DYM: variants seen among roughly 807,000 people sequenced by gnomAD.
DYM encodes dymeclin.
A neutral mutation model predicts 93.1 loss-of-function variants in DYM; 78 were observed. That is an observed-to-expected ratio of 0.84 (90% CI 0.70 to 1.01). The LOEUF (loss-of-function observed/expected upper bound fraction) is 1.01, where lower values mean the gene tolerates loss of function less well. Ranked by LOEUF, DYM falls within the 50% of genes least tolerant of loss-of-function variation. The pLI is 0.00. For missense variants in DYM, 789 were observed against 845.0 expected, an observed-to-expected ratio of 0.93 and a Z score of 0.82; for synonymous variants, 321 against 319.7, an observed-to-expected ratio of 1.00 and a Z score of -0.04.
intron 8 of DYM, among the ~76,000 whole-genome samples, chr18:49,294,790 A>G (rs764227582): frequency 2.0e-5 from 3 of 151,180 alleles, no homozygotes; most frequent in African/African-American, 4.9e-5. Flanking sequence ...GAACTATACC[A>G]AAAAAAAAGA....
At chr18:49,125,668 G>A (rs531155245) in intron 15 of DYM, among the ~76,000 whole-genome samples, 6 of 152,208 alleles carry the variant, frequency 3.9e-5, no homozygotes, top group South Asian at 2.1e-4. Flanking sequence ...TCAAAGAATC[G>A]TAAAATTATA....
intron 11 of DYM, among the ~76,000 whole-genome samples, chr18:49,258,945 G>T (rs2094446360): frequency 1.4e-5 from 2 of 146,996 alleles, no homozygotes; most frequent in African/African-American, 5.0e-5. Flanking sequence ...CCAAATCTGG[G>T]CTGCCCCAAA....
chr18:49,337,941 T>A (rs1206086441), intron 6 of DYM, among the ~76,000 whole-genome samples: 2 of 151,864 alleles, frequency 1.3e-5, no homozygotes, highest in African/African-American at 4.8e-5. Flanking sequence ...AGAAATTCAA[T>A]ATCGATCAAA....
rs148732082 is a variant in DYM, at chr18:49,430,203, C to G, written c.140+52G>C. ...ATTTTTTTTTAATCAGCATACCACA[C>G]AAGTTGATATGGCCCTCTATTCAAA... On this transcript the variant is annotated intron_variant, in intron 2 of 17. Transcript: ENST00000675505. 2.7e-4 allele frequency: 415 copies of G among 1,565,028 alleles called. 4 individuals carry two copies. In the East Asian group the frequency reaches 8.0e-3, roughly 30 times the overall value.
At chr18:49,186,757 T>C (rs150648717) in intron 14 of DYM, among the ~76,000 whole-genome samples, 2 of 152,242 alleles carry the variant, frequency 1.3e-5, no homozygotes, top group African/African-American at 4.8e-5. Context: ...CTTTCAGGTA[T>C]ATCTGTATCT....
At chr18:49,389,300 ATGTG>A (rs368243116) in intron 3 of DYM, among the ~76,000 whole-genome samples, 13 of 151,916 alleles carry the variant, frequency 8.6e-5, no homozygotes, top group African/African-American at 3.1e-4. Context: ...ACAGATTAAA[ATGTG>A]TGTGTGTGTC....
intron 15 of DYM, among the ~76,000 whole-genome samples, chr18:49,161,591 C>G (rs1672465003): frequency 6.6e-6 from 1 of 152,174 alleles, no homozygotes; most frequent in Non-Finnish European, 1.5e-5. Flanking sequence ...ATATATTTTT[C>G]TTATCACAGG....
chr18:49,064,835 T>C (rs1487234613), intron 17 of DYM, among the ~76,000 whole-genome samples: 1 of 151,462 alleles, frequency 6.6e-6, no homozygotes, highest in Non-Finnish European at 1.5e-5. Flanking sequence ...TCTCTTTACT[T>C]TCAAATACTG....
At chr18:49,375,254 A>G (rs2147614872) in intron 5 of DYM, among the ~76,000 whole-genome samples, 1 of 150,622 alleles carries the variant, frequency 6.6e-6, no homozygotes, top group African/African-American at 2.5e-5. Context: ...TGGGCTTTAG[A>G]AGAAAAAAAT....
At chr18:49,135,375 G>C (rs1211832039) in intron 15 of DYM, among the ~76,000 whole-genome samples, 3 of 152,274 alleles carry the variant, frequency 2.0e-5, no homozygotes, top group Non-Finnish European at 2.9e-5. Flanking sequence ...TAACAGGCCA[G>C]GCTCCTTATG....
chr18:49,224,780 C>T (rs2093472477), intron 13 of DYM, among the ~76,000 whole-genome samples: 1 of 152,026 alleles, frequency 6.6e-6, no homozygotes, highest in Non-Finnish European at 1.5e-5. Flanking sequence ...ATAAGCTACC[C>T]AGTATATGCT....
At chr18:49,201,473 C>A (rs1393336310) in intron 14 of DYM, among the ~76,000 whole-genome samples, 1 of 152,164 alleles carries the variant, frequency 6.6e-6, no homozygotes, top group Non-Finnish European at 1.5e-5. Context: ...CATGCTTCGA[C>A]CACATCAGTC....
intron 14 of DYM, among the ~76,000 whole-genome samples, chr18:49,185,590 C>A (rs2090360480): frequency 6.6e-6 from 1 of 152,180 alleles, no homozygotes; most frequent in African/African-American, 2.4e-5. Flanking sequence ...AAGTATTTAT[C>A]TTTAAATTGA....
intron 6 of DYM, among the ~76,000 whole-genome samples, chr18:49,344,442 T>A (rs2064413311): frequency 6.6e-6 from 1 of 152,078 alleles, no homozygotes; most frequent in Admixed American, 6.6e-5. Context: ...GAACAAGAGA[T>A]GTCACATGTC....
intron 15 of DYM, among the ~76,000 whole-genome samples, chr18:49,145,865 T>A (rs1323343483): frequency 6.6e-6 from 1 of 152,182 alleles, no homozygotes; most frequent in African/African-American, 2.4e-5. Context: ...TGTGGTCTAT[T>A]TTACTTGTTT....
At chr18:49,263,714 G>A (rs892896118) in intron 11 of DYM, among the ~76,000 whole-genome samples, 1 of 151,994 alleles carries the variant, frequency 6.6e-6, no homozygotes, top group African/African-American at 2.4e-5. Context: ...GGGCAACAGA[G>A]TGAGATTCTG....
chr18:49,382,754 T>A (rs928984727), intron 3 of DYM, among the ~76,000 whole-genome samples: 3 of 152,236 alleles, frequency 2.0e-5, no homozygotes, highest in African/African-American at 7.2e-5. Context: ...AAGAGCTAAC[T>A]TACCTGATGC....
chr18:49,226,260 A>G (rs2093526487), intron 13 of DYM, among the ~76,000 whole-genome samples: 1 of 152,182 alleles, frequency 6.6e-6, no homozygotes, highest in Non-Finnish European at 1.5e-5. Flanking sequence ...CAGATGTACC[A>G]TCTATATTTA....
intron 8 of DYM, among the ~76,000 whole-genome samples, chr18:49,322,506 A>G (rs991884711): frequency 3.9e-5 from 6 of 152,078 alleles, no homozygotes; most frequent in Non-Finnish European, 8.8e-5. Context: ...ATGAAAAAAA[A>G]TAAAATAAAA....
Sources: gnomAD v4.1 joint callset for allele counts (sites outside exome capture counted in the v4.1 genomes callset) on GRCh38, gnomAD v4.1.1 for gene constraint, MANE v1.5 for transcripts, NCBI Gene and HGNC (gene_info 2026-07-23, HGNC 2026-07-21) for gene names.